KIF16B: variants seen among roughly 807,000 people sequenced by gnomAD.
KIF16B encodes kinesin family member 16B, also known as kinesin-like protein KIF16B.
Under a neutral mutation model 156.3 loss-of-function variants are expected in KIF16B, and 98 were observed. The ratio of observed to expected loss-of-function variants is 0.63; its 90% CI spans 0.53 to 0.74. KIF16B has a LOEUF of 0.74. KIF16B is among the 30% of genes least tolerant of loss of function. The pLI, the probability that KIF16B is intolerant of heterozygous loss-of-function variation, is 0.00. For missense variants in KIF16B, 1,421 were observed against 1,606.5 expected (o/e 0.88, Z 1.97); for synonymous variants, 564 against 583.7 (o/e 0.97, Z 0.49).
At chr20:16,329,004 C>T (rs921142753) in intron 24 of KIF16B, among the ~76,000 whole-genome samples, 6 of 152,030 alleles carry the variant, frequency 3.9e-5, no homozygotes, top group Admixed American at 1.3e-4. Context: ...AGAAAGACAC[C>T]CTGTTAAATG....
At position 16,400,655 on chromosome 20, in the gene KIF16B, C is replaced by T. The variant is rs74703300; in HGVS notation, c.1784+4158G>A. 9.1e-3 allele frequency among the ~76,000 whole-genome samples: 1,385 copies of T among 152,156 alleles called. 16 individuals are homozygous for T. The highest frequency in any genetic ancestry group is 0.013 in the Non-Finnish European group (853 of 68,022). ...ATGGATAAACAAAATGTGGTATATCCGTAAAATGGAATATTATTTGGCCAC... is the reference window on the plus strand; with the variant it reads ...ATGGATAAACAAAATGTGGTATATCTGTAAAATGGAATATTATTTGGCCAC... On this transcript the variant is annotated intron_variant, in intron 17 of 25. Transcript: ENST00000354981.
intron 17 of KIF16B, among the ~76,000 whole-genome samples, chr20:16,386,616 A>G (rs1318635803): frequency 6.6e-6 from 1 of 151,914 alleles, no homozygotes; most frequent in East Asian, 2.0e-4. Flanking sequence ...GCCTATTTAA[A>G]TCCTTGTATC....
At chr20:16,345,191 C>T (rs536927352) in intron 23 of KIF16B, among the ~76,000 whole-genome samples, 2 of 152,348 alleles carry the variant, frequency 1.3e-5, no homozygotes, top group South Asian at 4.1e-4. Context: ...TGGCTCCATG[C>T]TGCTCAATTT....
At chr20:16,351,360 A>T (rs2064335399) in intron 23 of KIF16B, among the ~76,000 whole-genome samples, 1 of 152,094 alleles carries the variant, frequency 6.6e-6, no homozygotes, top group Non-Finnish European at 1.5e-5. Context: ...GCTATGCTGA[A>T]ATGTGATTTC....
At chr20:16,277,459 TTATA>T (rs60624017) in intron 25 of KIF16B, among the ~76,000 whole-genome samples, 17,215 of 143,852 alleles carry the variant, frequency 0.12, 1,105 homozygotes, top group African/African-American at 0.15. Flanking sequence ...TATGTACATA[TTATA>T]TATATATATA....
chr20:16,438,444 A>G (rs1411551767), intron 12 of KIF16B, among the ~76,000 whole-genome samples: 3 of 152,186 alleles, frequency 2.0e-5, no homozygotes, highest in African/African-American at 7.2e-5. Flanking sequence ...TAATTTATAA[A>G]TTAAAATTTA....
chr20:16,374,522 C>A (rs747933709), intron 19 of KIF16B, 113 bp from the exon 20 acceptor site: 168 of 1,012,608 alleles, frequency 1.7e-4, no homozygotes, highest in Non-Finnish European at 1.8e-4. Context: ...CCTCTGTGTG[C>A]AAAGAACTTT....
chr20:16,432,456 G>A (rs1220788347), intron 12 of KIF16B, among the ~76,000 whole-genome samples: 1 of 152,006 alleles, frequency 6.6e-6, no homozygotes, highest in African/African-American at 2.4e-5. Context: ...ACATAAATAC[G>A]ATTCCTTACA....
chr20:16,457,690 T>C (rs2067245856), intron 12 of KIF16B, among the ~76,000 whole-genome samples: 1 of 152,128 alleles, frequency 6.6e-6, no homozygotes, highest in Admixed American at 6.6e-5. Context: ...GGCCTTTGCC[T>C]CATGGAATCT....
intron 12 of KIF16B, among the ~76,000 whole-genome samples, chr20:16,492,694 G>A (rs1217127062): frequency 2.0e-5 from 3 of 151,986 alleles, no homozygotes; most frequent in Admixed American, 6.6e-5. Context: ...ACATTGACAT[G>A]GAGGGACGCT....
At chr20:16,553,547 T>C (rs1313248281) in intron 1 of KIF16B, among the ~76,000 whole-genome samples, 1 of 152,204 alleles carries the variant, frequency 6.6e-6, no homozygotes, top group Non-Finnish European at 1.5e-5. Context: ...CTAAGCCTAT[T>C]TGGACCTCAA....
intron 17 of KIF16B, 92 bp downstream of exon 17, chr20:16,404,718 CAGA>C: frequency 1.1e-6 from 1 of 944,276 alleles, no homozygotes; most frequent in East Asian, 2.5e-5. Flanking sequence ...GGCGCCGTTG[CAGA>C]AGTTTTATTT....
chr20:16,471,794 T>C (rs185924925), intron 12 of KIF16B, among the ~76,000 whole-genome samples: 470 of 152,364 alleles, frequency 3.1e-3, no homozygotes, highest in Middle Eastern at 6.8e-3. Flanking sequence ...ACAGAAAGTA[T>C]GGCTAATTTA....
At chr20:16,381,188 C>T (rs2065084627) in intron 18 of KIF16B, among the ~76,000 whole-genome samples, 2 of 152,090 alleles carry the variant, frequency 1.3e-5, no homozygotes, top group South Asian at 2.1e-4. Flanking sequence ...AGCCATTTCT[C>T]CCTCCACCCT....
intron 12 of KIF16B, among the ~76,000 whole-genome samples, chr20:16,493,515 T>C (rs1028472045): frequency 6.6e-6 from 1 of 152,214 alleles, no homozygotes; most frequent in Non-Finnish European, 1.5e-5. Flanking sequence ...TTTTGTTCTT[T>C]GGGAAAGTTT....
chr20:16,322,992 C>G (rs1444877512), intron 24 of KIF16B, among the ~76,000 whole-genome samples: 1 of 151,936 alleles, frequency 6.6e-6, no homozygotes, highest in Non-Finnish European at 1.5e-5. Flanking sequence ...TAATAAAAAG[C>G]CTTGCCTATC....
At position 16,419,734 on chromosome 20, in the gene KIF16B, T is replaced by C. The variant is rs147090591; in HGVS notation, c.1612+7370A>G. Among the ~76,000 whole-genome samples, 1,098 of 152,172 alleles carry C rather than the reference T, an allele frequency of 7.2e-3. 3 individuals carry two copies. The highest frequency in any genetic ancestry group is 0.012 in the Non-Finnish European group (836 of 67,990). Reference sequence around the variant, plus strand: ...CAACTATCAGCTTTAAAATAACATATTACAGTCAAAAGAAAAAATAATAAT... The same window carrying C: ...CAACTATCAGCTTTAAAATAACATACTACAGTCAAAAGAAAAAATAATAAT... On this transcript the variant is annotated intron_variant, in intron 15 of 25. Transcript: ENST00000354981.
intron 1 of KIF16B, among the ~76,000 whole-genome samples, chr20:16,537,813 C>A (rs1237750099): frequency 1.4e-5 from 2 of 147,050 alleles, no homozygotes; most frequent in East Asian, 4.2e-4. Flanking sequence ...AAGCAATTCT[C>A]GTGCCTCAGC....
intron 10 of KIF16B, among the ~76,000 whole-genome samples, chr20:16,503,947 G>A (rs949437222): frequency 6.6e-6 from 1 of 152,134 alleles, no homozygotes; most frequent in African/African-American, 2.4e-5. Context: ...TCTCTAATAG[G>A]TGATATGACA....
Sources: gnomAD v4.1 joint callset for allele counts (sites outside exome capture counted in the v4.1 genomes callset) on GRCh38, gnomAD v4.1.1 for gene constraint, MANE v1.5 for transcripts, NCBI Gene and HGNC (gene_info 2026-07-23, HGNC 2026-07-21) for gene names.